Variants in SEC11A observed in about 807,000 individuals in gnomAD.
SEC11A encodes the protein SEC11 homolog A, signal peptidase complex subunit, also known as signal peptidase complex catalytic subunit SEC11A.
SEC11A carries 14 observed loss-of-function variants against 25.6 expected under a neutral mutation model. The ratio of observed to expected loss-of-function variants is 0.55; its 90% confidence interval spans 0.36 to 0.85. SEC11A has a LOEUF of 0.85. SEC11A is among the 40% of genes least tolerant of loss of function. SEC11A has a pLI of 0.01. For missense variants in SEC11A, 153 were observed against 222.9 expected, an observed-to-expected ratio of 0.69 and a Z score of 2.00; for synonymous variants, 83 against 76.4, an observed-to-expected ratio of 1.09 and a Z score of -0.45.
At position 84,688,935 on chromosome 15, in the gene SEC11A, G is replaced by A. The variant is rs374801714; in HGVS notation, c.162-1161C>T. On this transcript the variant is annotated intron_variant, in intron 2 of 5. Coordinates refer to ENST00000268220, the MANE Select transcript of SEC11A (RefSeq NM_014300.4). ...AATCCCAGCTACTCAGGAGGCTGAC[G>A]CAGAAGAATCACTTGAACCCAGGAG... Among the ~76,000 whole-genome samples the A allele has an allele frequency of 2.6e-5, 4 of 151,580 alleles. No homozygotes were observed. The East Asian group carries it at 5.9e-4, about 22-fold the overall frequency.
intron 3 of SEC11A, 75 bp from the exon 4 acceptor site, chr15:84,680,907 C>T (rs1276026036): frequency 7.3e-7 from 1 of 1,368,584 alleles, no homozygotes; most frequent in Non-Finnish European, 1.0e-6. Context: ...TTCTTGTTAA[C>T]CAAACATGTT....
chr15:84,711,501 G>A (rs1410731262), intron 1 of SEC11A, among the ~76,000 whole-genome samples: 1 of 151,958 alleles, frequency 6.6e-6, no homozygotes, highest in Admixed American at 6.6e-5. Context: ...TAAACACAGT[G>A]CTGTTAAAAA....
rs1898457389 is a variant in SEC11A at position 84,716,044 on chromosome 15, C to T, written c.32G>A (p.Arg11Gln). Reference protein sequence around the residue: MLSLDFLDDVRRMNKRQLYYQ... With the variant: MLSLDFLDDVQRMNKRQLYYQ... ...GCTCACCTGCCGCTTGTTCATCCGC[C>T]GCACATCGTCCAAAAAGTCTAGAGA... Residue 11 changes from arginine (R) to glutamine (Q), a missense_variant, in exon 1 of 6, where the codon CGG becomes CAG. Coordinates refer to ENST00000268220, the MANE Select transcript of SEC11A (RefSeq NM_014300.4). The T allele has an allele frequency of 6.2e-7, 1 of 1,613,644 alleles. No individual in the cohort carries two copies. The highest frequency in any genetic ancestry group is 8.5e-7 in the Non-Finnish European group (1 of 1,179,798).
chr15:84,691,512 G>A, intron 2 of SEC11A, 23 bp downstream of exon 2: 1 of 1,328,064 alleles, frequency 7.5e-7, no homozygotes. Context: ...GCAATTCCAT[G>A]CCTTGAAAGG....
At chr15:84,676,127 T>C (rs1032259263) in intron 4 of SEC11A, among the ~76,000 whole-genome samples, 5 of 152,218 alleles carry the variant, frequency 3.3e-5, no homozygotes, top group African/African-American at 1.2e-4. Context: ...TGAATTGTAC[T>C]CTTTAAGATG....
At chr15:84,680,005 C>A in intron 4 of SEC11A, 1 of 1,316,204 alleles carries the variant, frequency 7.6e-7, no homozygotes, top group Non-Finnish European at 1.0e-6. Context: ...TTTTTAATTT[C>A]ATTCAACCTC....
chr15:84,680,207 A>T (rs903194551), intron 4 of SEC11A, among the ~76,000 whole-genome samples: 4 of 151,888 alleles, frequency 2.6e-5, no homozygotes, highest in Non-Finnish European at 4.4e-5. Context: ...AGGCTGAGGC[A>T]GGAGAATCGC....
intron 4 of SEC11A, among the ~76,000 whole-genome samples, chr15:84,678,964 T>A (rs922033326): frequency 6.7e-5 from 10 of 149,700 alleles, no homozygotes; most frequent in Non-Finnish European, 4.4e-5. Context: ...ACCCACACTC[T>A]AGCCTGGGTG....
intron 1 of SEC11A, among the ~76,000 whole-genome samples, chr15:84,709,447 T>C (rs895639973): frequency 6.6e-6 from 1 of 152,116 alleles, no homozygotes; most frequent in African/African-American, 2.4e-5. Context: ...GTTTTTGGTA[T>C]TGTTTTGTTT....
intron 4 of SEC11A, among the ~76,000 whole-genome samples, chr15:84,676,862 T>G (rs994082858): frequency 6.7e-6 from 1 of 149,978 alleles, no homozygotes; most frequent in Admixed American, 6.6e-5. Flanking sequence ...GAGGCCAAGG[T>G]GGAGGACTGC....
At chr15:84,679,165 G>A (rs1201153650) in intron 4 of SEC11A, 5 of 601,266 alleles carry the variant, frequency 8.3e-6, no homozygotes, top group African/African-American at 5.8e-5. Context: ...ACATGAATCT[G>A]TACATTTATA....
intron 1 of SEC11A, among the ~76,000 whole-genome samples, chr15:84,712,051 G>A (rs1206404588): frequency 1.3e-5 from 2 of 151,882 alleles, no homozygotes; most frequent in African/African-American, 4.8e-5. Context: ...GACCAGCTTG[G>A]GCAGAATAGC....
chr15:84,678,453 G>C (rs1405130053), intron 4 of SEC11A, among the ~76,000 whole-genome samples: 1 of 152,100 alleles, frequency 6.6e-6, no homozygotes, highest in African/African-American at 2.4e-5. Context: ...CAATAAAAAA[G>C]CTGGAAACAA....
intron 1 of SEC11A, among the ~76,000 whole-genome samples, chr15:84,709,207 G>A (rs1375145395): frequency 6.7e-6 from 1 of 148,340 alleles, no homozygotes; most frequent in Non-Finnish European, 1.5e-5. Context: ...TTTTTTTTTT[G>A]TTTTAAGAGA....
chr15:84,713,166 C>T (rs1468278966), intron 1 of SEC11A, among the ~76,000 whole-genome samples: 1 of 150,102 alleles, frequency 6.7e-6, no homozygotes, highest in African/African-American at 2.5e-5. Flanking sequence ...TGCACTCCAG[C>T]CTGGGCAACA....
At chr15:84,693,649 C>T (rs986088013) in intron 1 of SEC11A, among the ~76,000 whole-genome samples, 6 of 151,722 alleles carry the variant, frequency 4.0e-5, no homozygotes, top group African/African-American at 1.5e-4. Flanking sequence ...TTAGTAGAGA[C>T]GGGGTTTCAC....
chr15:84,681,174 C>A (rs1897273654), intron 3 of SEC11A, among the ~76,000 whole-genome samples: 1 of 152,130 alleles, frequency 6.6e-6, no homozygotes, highest in South Asian at 2.1e-4. Context: ...AATAAATACA[C>A]ACTACCAATT....
intron 2 of SEC11A, 34 bp downstream of exon 2, chr15:84,691,501 T>G (rs536988355): frequency 8.5e-7 from 1 of 1,172,352 alleles, no homozygotes; most frequent in Admixed American, 1.8e-5. Context: ...AGTAATGCCA[T>G]GCAATTCCAT....
intron 1 of SEC11A, among the ~76,000 whole-genome samples, chr15:84,705,387 CTT>C (rs377605514): frequency 6.4e-4 from 97 of 152,266 alleles, no homozygotes; most frequent in African/African-American, 2.3e-3. Flanking sequence ...GGTGGCAACA[CTT>C]TGTGGGGCTG....
Sources: allele counts gnomAD v4.1 joint callset (sites outside exome capture counted in the v4.1 genomes callset), GRCh38; gene constraint gnomAD v4.1.1; transcripts MANE v1.5; gene names NCBI Gene and HGNC (gene_info 2026-07-23, HGNC 2026-07-21).